Variants in LEKR1 observed in about 807,000 individuals in gnomAD.
LEKR1 encodes leucine, glutamate and lysine rich 1.
LEKR1 carries 59 observed loss-of-function variants against 72.4 expected under a neutral mutation model. The observed-to-expected ratio is 0.82, with a 90% CI of 0.66 to 1.01. LEKR1 has a LOEUF of 1.01. Ranked by LOEUF, LEKR1 falls within the 50% of genes least tolerant of loss-of-function variation. The probability of loss-of-function intolerance (pLI) is 0.00; values close to 1 mark genes in which losing one functional copy is unlikely to be tolerated. For synonymous variants in LEKR1, 257 were observed against 263.2 expected (o/e 0.98, Z 0.23); for missense variants, 728 against 759.2 (o/e 0.96, Z 0.48).
intron 3 of LEKR1, among the ~76,000 whole-genome samples, chr3:156,910,034 T>A (rs1722955313): frequency 1.3e-5 from 2 of 152,260 alleles, no homozygotes; most frequent in African/African-American, 4.8e-5. Flanking sequence ...TCCTTTCTCT[T>A]AGTATGCTAA....
At chr3:156,962,461 A>G (rs916116632) in intron 6 of LEKR1, among the ~76,000 whole-genome samples, 1 of 152,228 alleles carries the variant, frequency 6.6e-6, no homozygotes, top group Non-Finnish European at 1.5e-5. Flanking sequence ...CCTGATCTCT[A>G]GACAAATTGC....
chr3:156,981,485 G>C (rs114401701), intron 7 of LEKR1, among the ~76,000 whole-genome samples: 2 of 152,132 alleles, frequency 1.3e-5, no homozygotes, highest in Non-Finnish European at 2.9e-5. Flanking sequence ...TTTCCTACAC[G>C]TACAAGACCT....
At chr3:156,829,688 C>A (rs73873733) in intron 2 of LEKR1, among the ~76,000 whole-genome samples, 5,628 of 152,210 alleles carry the variant, frequency 0.037, 376 homozygotes, top group African/African-American at 0.13. Flanking sequence ...GATTTCTAAG[C>A]CTCTATTATG....
intron 3 of LEKR1, among the ~76,000 whole-genome samples, chr3:156,887,889 C>G (rs1409495229): frequency 6.6e-6 from 1 of 151,992 alleles, no homozygotes; most frequent in Admixed American, 6.6e-5. Context: ...GAATATTCAC[C>G]TCTCTATATA....
At chr3:156,981,794 G>A (rs6441106) in intron 7 of LEKR1, among the ~76,000 whole-genome samples, 123,943 of 152,194 alleles carry the variant, frequency 0.81, 50,585 homozygotes, top group East Asian at 0.94. Flanking sequence ...AGTCAAAACA[G>A]TTCATTCAAA....
intron 6 of LEKR1, among the ~76,000 whole-genome samples, chr3:156,946,614 T>A (rs892277006): frequency 9.9e-5 from 15 of 151,446 alleles, no homozygotes; most frequent in African/African-American, 3.6e-4. Flanking sequence ...GATATGTTCC[T>A]TCTATACCCA....
intron 6 of LEKR1, among the ~76,000 whole-genome samples, chr3:156,950,229 G>T (rs965599852): frequency 6.6e-6 from 1 of 151,120 alleles, no homozygotes. Context: ...ATATTGTTTT[G>T]ATTACTACAG....
chr3:156,843,909 A>G lies in LEKR1; in HGVS notation c.49-8859A>G, dbSNP rs1344242085. 2.6e-5 allele frequency among the ~76,000 whole-genome samples: 4 copies of G among 152,208 alleles called. No individual in the cohort carries two copies. The East Asian group carries it at 7.7e-4, about 29-fold the overall frequency. ...TTATTAAAACCTTATGACAAAGGGA[A>G]TAGGAAGCTGTATAATTTTTGGAGA... On this transcript the variant is annotated intron_variant, in intron 2 of 12. Transcript: ENST00000356539.
At chr3:156,940,420 G>T (rs1450663372) in intron 5 of LEKR1, among the ~76,000 whole-genome samples, 1 of 152,112 alleles carries the variant, frequency 6.6e-6, no homozygotes, top group Non-Finnish European at 1.5e-5. Flanking sequence ...CCTTCTTCAT[G>T]GGATGGTGCT....
chr3:156,829,215 T>G, intron 1 of LEKR1, 71 bp from the exon 2 acceptor site: 2 of 635,790 alleles, frequency 3.1e-6, no homozygotes, highest in Non-Finnish European at 5.5e-6. Context: ...CTTCTAGGAG[T>G]TTATAAAGCA....
chr3:156,873,918 T>G (rs896866028), intron 3 of LEKR1, among the ~76,000 whole-genome samples: 3 of 152,094 alleles, frequency 2.0e-5, no homozygotes, highest in African/African-American at 7.2e-5. Flanking sequence ...TCTGTTGCTA[T>G]TTTTAGAATA....
chr3:156,951,264 C>T (rs1478896643), intron 6 of LEKR1, among the ~76,000 whole-genome samples: 1 of 151,696 alleles, frequency 6.6e-6, no homozygotes, highest in Non-Finnish European at 1.5e-5. Flanking sequence ...ATTTGGTTTG[C>T]AAGTATTTTG....
chr3:156,904,868 C>T (rs1396880023), intron 3 of LEKR1, among the ~76,000 whole-genome samples: 1 of 151,542 alleles, frequency 6.6e-6, no homozygotes, highest in African/African-American at 2.4e-5. Flanking sequence ...TGTTTCTGCA[C>T]CAGGAAAACT....
chr3:156,959,486 G>A (rs1358925473), intron 6 of LEKR1, among the ~76,000 whole-genome samples: 1 of 152,072 alleles, frequency 6.6e-6, no homozygotes, highest in Admixed American at 6.6e-5. Flanking sequence ...GGCTTCTTTT[G>A]TGGTACTAAT....
In LEKR1 at chr3:156,902,894, A is replaced by T. The variant is rs1054079845; in HGVS notation, c.264-17681A>T. ...TTATACAGTTTAATATCCTGATTTTAAAAAAAGCACCATAATGTAAGCATT... is the reference window on the plus strand; with the variant it reads ...TTATACAGTTTAATATCCTGATTTTTAAAAAAGCACCATAATGTAAGCATT... On this transcript the variant is annotated intron_variant, in intron 3 of 12. Transcript: ENST00000356539. Among the ~76,000 whole-genome samples the T allele has an allele frequency of 3.9e-5, 6 of 152,090 alleles. No individual in the cohort carries two copies. In the South Asian group the frequency reaches 1.0e-3, roughly 26 times the overall value.
chr3:157,011,151 G>T (rs12629618), intron 9 of LEKR1, among the ~76,000 whole-genome samples: 13,490 of 152,154 alleles, frequency 0.089, 652 homozygotes, highest in African/African-American at 0.12. Flanking sequence ...CTCTGCATAT[G>T]TAGTTAATGT....
intron 9 of LEKR1, among the ~76,000 whole-genome samples, chr3:156,998,895 C>T (rs929036999): frequency 6.6e-6 from 1 of 152,060 alleles, no homozygotes; most frequent in African/African-American, 2.4e-5. Flanking sequence ...GGCTGTGTCC[C>T]CACCCAAATT....
chr3:156,836,403 A>G (rs1713147994), intron 2 of LEKR1, among the ~76,000 whole-genome samples: 1 of 152,116 alleles, frequency 6.6e-6, no homozygotes, highest in Admixed American at 6.5e-5. Context: ...GCCAACCAAG[A>G]AGAAAAAAAA....
At chr3:156,860,463 A>G (rs1281242212) in intron 3 of LEKR1, among the ~76,000 whole-genome samples, 2 of 152,162 alleles carry the variant, frequency 1.3e-5, no homozygotes, top group Non-Finnish European at 1.5e-5. Context: ...GGTGAGCCAG[A>G]TAAGTCAGTT....
Sources: allele counts gnomAD v4.1 joint callset (sites outside exome capture counted in the v4.1 genomes callset), GRCh38; gene constraint gnomAD v4.1.1; transcripts MANE v1.5; gene names NCBI Gene and HGNC (gene_info 2026-07-23, HGNC 2026-07-21).